Variants in ZWILCH observed in about 807,000 individuals in gnomAD.
ZWILCH encodes zwilch kinetochore protein, also known as protein zwilch homolog.
ZWILCH carries 74 observed loss-of-function variants against 79.9 expected under a neutral mutation model. That is an observed-to-expected ratio of 0.93 (90% CI 0.77 to 1.12). ZWILCH has a LOEUF of 1.12. Ranked by LOEUF, ZWILCH falls within the 50% of genes most tolerant of loss-of-function variation. The probability of loss-of-function intolerance (pLI) is 0.00; values close to 1 mark genes in which losing one functional copy is unlikely to be tolerated. For missense variants in ZWILCH, 694 were observed against 687.5 expected (o/e 1.01, Z -0.11); for synonymous variants, 241 against 228.2 (o/e 1.06, Z -0.51).
chr15:66,546,618 GC>G lies in ZWILCH; in HGVS notation c.1717del (p.Leu573TrpfsTer23). 6.2e-7 allele frequency: 1 copy of G among 1,609,098 alleles called. No individual in the cohort carries two copies. Among genetic ancestry groups the G allele is most frequent in the Non-Finnish European group, 8.5e-7 (1 of 1,177,868 alleles). On this transcript the variant is annotated frameshift_variant, in exon 18 of 19. Coordinates refer to ENST00000307897, the MANE Select transcript of ZWILCH (RefSeq NM_017975.5). LOFTEE classifies it high-confidence loss of function. ...TTTTCGGAATTAACACTAAACGGTAGCCTGGAAGAAAGGATATTCTTTACTA... is the reference window on the plus strand; with the variant it reads ...TTTTCGGAATTAACACTAAACGGTAGCTGGAAGAAAGGATATTCTTTACTA... ...PDFSELTLNG[S>X]LEERIFFTNM...
At chr15:66,518,408 G>A (rs190137110) in intron 4 of ZWILCH, among the ~76,000 whole-genome samples, 317 of 149,810 alleles carry the variant, frequency 2.1e-3, no homozygotes, top group Non-Finnish European at 3.6e-3. Context: ...CATCCTCCCA[G>A]TAACTGGGAC....
intron 7 of ZWILCH, 97 bp from the exon 8 acceptor site, chr15:66,523,580 T>C: frequency 1.4e-6 from 1 of 732,856 alleles, no homozygotes; most frequent in South Asian, 2.0e-5. Flanking sequence ...AATATATTTT[T>C]TAATGTGTGA....
intron 14 of ZWILCH, among the ~76,000 whole-genome samples, chr15:66,533,834 A>G (rs549502402): frequency 6.6e-6 from 1 of 151,998 alleles, no homozygotes; most frequent in Non-Finnish European, 1.5e-5. Context: ...GTTTAAAAAA[A>G]ATACGCTGGG....
Position 66,548,617 on chromosome 15 carries a change from A to C in ZWILCH, c.*293A>C. 1 of 1,380,280 alleles carries C rather than the reference A, an allele frequency of 7.2e-7. No homozygotes were observed. The highest frequency in any genetic ancestry group is 1.0e-6 in the Non-Finnish European group (1 of 967,290). 85.5% of individuals were successfully genotyped at this position (1,380,280 alleles called of 1,614,324 possible). Reference sequence around the variant, plus strand: ...ACTTAGCAAGGGCTCTGAAATGACAAAGAGAACGAGCACCACAAATGAGAA... The same window carrying C: ...ACTTAGCAAGGGCTCTGAAATGACACAGAGAACGAGCACCACAAATGAGAA... On this transcript the variant is annotated 3_prime_UTR_variant, in exon 19 of 19. Transcript: ENST00000307897.
At chr15:66,524,019 G>A (rs1363650647) in intron 8 of ZWILCH, among the ~76,000 whole-genome samples, 4 of 151,940 alleles carry the variant, frequency 2.6e-5, no homozygotes, top group Non-Finnish European at 5.9e-5. Flanking sequence ...CATTGTGTGT[G>A]GATATACCAC....
chr15:66,517,066 G>A (rs770160993), intron 4 of ZWILCH, among the ~76,000 whole-genome samples: 12 of 151,948 alleles, frequency 7.9e-5, no homozygotes, highest in Non-Finnish European at 1.3e-4. Flanking sequence ...AATCAATTTA[G>A]TTTTCATGTC....
At chr15:66,528,782 C>A in intron 10 of ZWILCH, 70 bp from the exon 11 acceptor site, 1 of 1,298,638 alleles carries the variant, frequency 7.7e-7, no homozygotes, top group Non-Finnish European at 1.1e-6. Context: ...CTCAGAGCAG[C>A]ATTTGAAGGC....
intron 2 of ZWILCH, 31 bp downstream of exon 2, chr15:66,508,923 C>CT (rs778164068): frequency 1.2e-6 from 2 of 1,607,964 alleles, no homozygotes; most frequent in Admixed American, 3.4e-5. Flanking sequence ...AAACACAACT[C>CT]TAATCCTAAA....
chr15:66,516,736 C>G (rs1479867198), intron 4 of ZWILCH, among the ~76,000 whole-genome samples: 1 of 152,120 alleles, frequency 6.6e-6, no homozygotes, highest in Admixed American at 6.6e-5. Context: ...TGAACTCTCA[C>G]CTCAGGTGAT....
Position 66,548,615 on chromosome 15 carries a change from CAAAG to C in ZWILCH, c.*293_*296del, listed in dbSNP as rs1386713401. ...TGACTTAGCAAGGGCTCTGAAATGACAAAGAGAACGAGCACCACAAATGAGAACA... is the reference window on the plus strand; with the variant it reads ...TGACTTAGCAAGGGCTCTGAAATGACAGAACGAGCACCACAAATGAGAACA... On this transcript the variant is annotated 3_prime_UTR_variant, in exon 19 of 19. Coordinates refer to ENST00000307897, the MANE Select transcript of ZWILCH (RefSeq NM_017975.5). 2 of 1,420,500 alleles carry C rather than the reference CAAAG, an allele frequency of 1.4e-6. No homozygotes were observed. Among genetic ancestry groups the C allele is most frequent in the African/African-American group, 2.8e-5 (2 of 71,252 alleles). The allele number at this position is 1,420,500 out of a possible 1,614,324, so 88.0% of individuals were successfully genotyped here. A position where few individuals can be genotyped will look rare whatever the true frequency, so the allele number is the denominator to read the frequency against.
intron 1 of ZWILCH, 172 bp downstream of exon 1, chr15:66,505,563 G>A (rs774693888): frequency 5.6e-5 from 38 of 679,262 alleles, no homozygotes; most frequent in Non-Finnish European, 8.9e-5. Flanking sequence ...GGGGTTGACC[G>A]TGTGGGAGCT....
intron 6 of ZWILCH, 108 bp downstream of exon 6, chr15:66,520,768 A>G: frequency 1.3e-6 from 1 of 775,098 alleles, no homozygotes; most frequent in Admixed American, 3.1e-5. Flanking sequence ...ATTTTTCTGT[A>G]GTATGAAAAT....
intron 4 of ZWILCH, among the ~76,000 whole-genome samples, chr15:66,515,846 T>C (rs1263295332): frequency 1.3e-5 from 2 of 152,202 alleles, no homozygotes; most frequent in African/African-American, 4.8e-5. Context: ...TGCACTTATC[T>C]TCCCTTTCTC....
chr15:66,528,953 C>T lies in ZWILCH; in HGVS notation c.1071C>T (p.Ser357=), dbSNP rs779953008. 6.2e-6 allele frequency: 10 copies of T among 1,611,400 alleles called. No individual in the cohort carries two copies. The highest frequency in any genetic ancestry group is 1.7e-4 in the Middle Eastern group (1 of 6,056). ...DFAEQLWCKM[S]SSVISYQDLV... is the part of the protein sequence containing the mutation. ...CTGAGCAACTGTGGTGCAAAATGAG[C>T]AGTAGTAGGTGTCCATCATGATTTA... The change falls in exon 11 of 19, where the codon AGC becomes AGT. Residue 357 remains serine (S), a synonymous_variant. Transcript: ENST00000307897.
intron 16 of ZWILCH, among the ~76,000 whole-genome samples, chr15:66,538,066 G>C (rs1895069122): frequency 6.6e-6 from 1 of 152,178 alleles, no homozygotes; most frequent in East Asian, 1.9e-4. Flanking sequence ...GAGGAAGTAG[G>C]GAACTGTGAG....
At chr15:66,527,460 C>A in intron 9 of ZWILCH, 77 bp downstream of exon 9, 1 of 1,197,944 alleles carries the variant, frequency 8.3e-7, no homozygotes, top group Non-Finnish European at 1.2e-6. Context: ...GCTTGATACT[C>A]TTTTTTGATT....
rs1895046959 is a variant in ZWILCH at position 66,537,333 on chromosome 15, G to A, written c.1574+70G>A. 5.1e-6 allele frequency: 6 copies of A among 1,175,246 alleles called. No homozygotes were observed. The South Asian group carries it at 7.5e-5, about 15-fold the overall frequency. 72.8% of individuals were successfully genotyped at this position (1,175,246 alleles called of 1,614,324 possible). A position where few individuals can be genotyped will look rare whatever the true frequency, so the allele number is the denominator to read the frequency against. On this transcript the variant is annotated intron_variant, in intron 16 of 18. Transcript: ENST00000307897. ...AGCACTATGGGAGGCTGAGGTGGGA[G>A]GATAACTTGAGCTCAGGAGTTCGAG...
intron 7 of ZWILCH, among the ~76,000 whole-genome samples, chr15:66,522,205 A>C (rs1567044863): frequency 6.6e-6 from 1 of 152,148 alleles, no homozygotes. Flanking sequence ...CTCAAAAAAA[A>C]AGAAGTCAAA....
intron 12 of ZWILCH, among the ~76,000 whole-genome samples, chr15:66,530,949 G>C (rs547042241): frequency 9.8e-5 from 15 of 152,306 alleles, no homozygotes; most frequent in Admixed American, 2.0e-4. Context: ...ATGTTTACAA[G>C]TATAACCTTA....
Sources: gnomAD v4.1 joint callset for allele counts (sites outside exome capture counted in the v4.1 genomes callset) on GRCh38, gnomAD v4.1.1 for gene constraint, MANE v1.5 for transcripts, NCBI Gene and HGNC (gene_info 2026-07-23, HGNC 2026-07-21) for gene names.